Variants in ZNF184 observed in about 807,000 individuals in gnomAD.
ZNF184 encodes the protein zinc finger protein 184 (Kruppel-like).
In ZNF184, 16 loss-of-function variants were observed where a neutral mutation model predicts 54.4. The ratio of observed to expected loss-of-function variants is 0.29; its 90% CI spans 0.20 to 0.45. The LOEUF is 0.45. Among genes scored for constraint, ZNF184 ranks in the 20% least tolerant of loss-of-function variants. The pLI is 1.00. For synonymous variants in ZNF184, 254 were observed against 295.3 expected, an observed-to-expected ratio of 0.86 and a Z score of 1.43; for missense variants, 681 against 888.2, an observed-to-expected ratio of 0.77 and a Z score of 2.97.
At chr6:27,457,045 A>G in intron 4 of ZNF184, 124 bp from the exon 5 acceptor site, 1 of 975,050 alleles carries the variant, frequency 1.0e-6, no homozygotes, top group Non-Finnish European at 1.5e-6. Context: ...AGTGGATAGC[A>G]TATCAAGCTT....
the ZNF184 span, among the ~76,000 whole-genome samples, chr6:27,440,095 C>T: frequency 6.6e-6 from 1 of 152,162 alleles, no homozygotes; most frequent in Non-Finnish European, 1.5e-5. Flanking sequence ...CTTATCATTG[C>T]CTATTTTCTC....
the ZNF184 span, among the ~76,000 whole-genome samples, chr6:27,439,215 C>G: frequency 6.6e-6 from 1 of 152,224 alleles, no homozygotes; most frequent in Non-Finnish European, 1.5e-5. Flanking sequence ...TGGTCCATGT[C>G]TACCAGATTT....
the ZNF184 span, among the ~76,000 whole-genome samples, chr6:27,409,687 CA>C: frequency 1.0e-3 from 157 of 149,824 alleles, no homozygotes; most frequent in African/African-American, 3.2e-3. Flanking sequence ...AATGATGAAA[CA>C]AAAAAAAAGT....
At position 27,472,558 on chromosome 6, in the gene ZNF184, C is replaced by A; in HGVS notation, c.-139-125G>T. 1 of 471,864 alleles carries A rather than the reference C, an allele frequency of 2.1e-6. No homozygotes were observed. The highest frequency in any genetic ancestry group is 3.9e-6 in the Non-Finnish European group (1 of 259,530). 29.2% of individuals were successfully genotyped at this position (471,864 alleles called of 1,614,324 possible). A position where few individuals can be genotyped will look rare whatever the true frequency, so the allele number is the denominator to read the frequency against. On this transcript the variant is annotated intron_variant, in intron 1 of 5. Transcript: ENST00000683788. The surrounding 1 kb of genome is among the most constrained non-coding windows in gnomAD (Gnocchi z 4.8). Reference sequence around the variant, plus strand: ...GAGAGCACTAGAGAGGTGTGTGGCACTCCGATGAACAAAACAGAGTGGAGA... The same window carrying A: ...GAGAGCACTAGAGAGGTGTGTGGCAATCCGATGAACAAAACAGAGTGGAGA...
chr6:27,464,523 C>A (rs1201357071), intron 3 of ZNF184, among the ~76,000 whole-genome samples: 4 of 151,172 alleles, frequency 2.6e-5, no homozygotes, highest in Non-Finnish European at 5.9e-5. Context: ...GAATCATAAG[C>A]ATATTCAATC....
At chr6:27,455,741 C>A (rs1158519660) in intron 5 of ZNF184, among the ~76,000 whole-genome samples, 1 of 152,088 alleles carries the variant, frequency 6.6e-6, no homozygotes, top group Non-Finnish European at 1.5e-5. Context: ...GAGTGGTACT[C>A]CAGTTAGAAA....
At chr6:27,421,446 GAATT>G in the ZNF184 span, among the ~76,000 whole-genome samples, 2 of 152,052 alleles carry the variant, frequency 1.3e-5, no homozygotes, top group Non-Finnish European at 2.9e-5. Flanking sequence ...AAAAAGAGAT[GAATT>G]AATTAATCAA....
chr6:27,423,873 G>C, the ZNF184 span, among the ~76,000 whole-genome samples: 1 of 152,072 alleles, frequency 6.6e-6, no homozygotes, highest in Non-Finnish European at 1.5e-5. Context: ...CTTATACCAC[G>C]TATCAGCATT....
chr6:27,429,338 G>A, the ZNF184 span, among the ~76,000 whole-genome samples: 1 of 152,216 alleles, frequency 6.6e-6, no homozygotes, highest in East Asian at 1.9e-4. Flanking sequence ...GAGCCTGGCA[G>A]TCATTAGAGA....
the ZNF184 span, chr6:27,406,720 T>C: frequency 6.6e-6 from 1 of 152,364 alleles, no homozygotes; most frequent in East Asian, 1.9e-4. Context: ...ACAGACAACA[T>C]AGGAAGTGTG....
chr6:27,454,355 AACAGC>A (rs1198601180), intron 5 of ZNF184, among the ~76,000 whole-genome samples: 2 of 152,234 alleles, frequency 1.3e-5, no homozygotes, highest in Non-Finnish European at 2.9e-5. Context: ...CACTACAGGT[AACAGC>A]ACAGCACGTA....
chr6:27,449,935 G>A (rs987679724), downstream of ZNF184, among the ~76,000 whole-genome samples: 2 of 152,128 alleles, frequency 1.3e-5, no homozygotes, highest in African/African-American at 4.8e-5. Context: ...TAAAATAGAG[G>A]TAAGGAGAAA....
At chr6:27,435,013 T>C in the ZNF184 span, among the ~76,000 whole-genome samples, 3 of 152,210 alleles carry the variant, frequency 2.0e-5, no homozygotes, top group African/African-American at 7.2e-5. Context: ...CTTCCATTGG[T>C]CTATATATCT....
At chr6:27,418,618 G>T in the ZNF184 span, among the ~76,000 whole-genome samples, 1 of 152,056 alleles carries the variant, frequency 6.6e-6, no homozygotes, top group Non-Finnish European at 1.5e-5. Flanking sequence ...TCTGACCCTA[G>T]GGAGTTGCAC....
In ZNF184 at chr6:27,451,364, C is replaced by T. The variant is rs1762713547; in HGVS notation, c.2195G>A (p.Gly732Glu). 2 of 1,613,806 alleles carry T rather than the reference C, an allele frequency of 1.2e-6. No individual in the cohort carries two copies. Among genetic ancestry groups the T allele is most frequent in the South Asian group, 2.2e-5 (2 of 91,038 alleles). ...GEKPFGCNDC[G>E]KSFRYRSALN... is the part of the protein sequence containing the mutation. ...AGCAGAGCGATATCTGAAGGATTTT[C>T]CACAATCATTACATCCAAAAGGCTT... The change falls in exon 6 of 6, where the codon GGA (glycine) becomes GAA (glutamate). Residue 732 changes from glycine to glutamate, a missense_variant. Transcript: ENST00000683788.
chr6:27,464,860 CA>C (rs1314611309), intron 3 of ZNF184, among the ~76,000 whole-genome samples: 1 of 150,576 alleles, frequency 6.6e-6, no homozygotes, highest in Non-Finnish European at 1.5e-5. Context: ...ACTAAAAATA[CA>C]AAAAAATTAG....
At chr6:27,424,352 G>T in the ZNF184 span, among the ~76,000 whole-genome samples, 2 of 152,162 alleles carry the variant, frequency 1.3e-5, no homozygotes, top group African/African-American at 4.8e-5. Context: ...GCTTCCACAG[G>T]GTACAAGGAA....
the ZNF184 span, among the ~76,000 whole-genome samples, chr6:27,431,441 A>C: frequency 6.6e-6 from 1 of 152,236 alleles, no homozygotes; most frequent in Non-Finnish European, 1.5e-5. Context: ...TTTGTATCAA[A>C]CTATTTTTCC....
chr6:27,468,595 A>G (rs757078592), intron 2 of ZNF184, among the ~76,000 whole-genome samples: 2 of 152,224 alleles, frequency 1.3e-5, no homozygotes, highest in Non-Finnish European at 1.5e-5. Context: ...TTTATTCATA[A>G]TATCTCAGAA....
Sources: gnomAD v4.1 joint callset for allele counts (sites outside exome capture counted in the v4.1 genomes callset) on GRCh38, gnomAD v4.1.1 for gene constraint, Gnocchi (gnomAD v3.1) non-coding constraint, MANE v1.5 for transcripts, NCBI Gene and HGNC (gene_info 2026-07-23, HGNC 2026-07-21) for gene names.